The following KIFC2 variants were observed in gnomAD, a reference collection of about 807,000 sequenced individuals.
The protein encoded by KIFC2 is kinesin-like protein KIFC2.
In KIFC2, 94 loss-of-function variants were observed where a neutral mutation model predicts 91.5. The observed-to-expected ratio is 1.03, with a 90% confidence interval of 0.87 to 1.22. The LOEUF is 1.22. KIFC2 is among the 50% of genes most tolerant of loss of function. The pLI is 0.00. For missense variants in KIFC2, 1,357 were observed against 1,103.3 expected, an observed-to-expected ratio of 1.23 and a Z score of -3.26; for synonymous variants, 729 against 503.9, an observed-to-expected ratio of 1.45 and a Z score of -5.98.
At position 144,471,801 on chromosome 8, in the gene KIFC2, C is replaced by T; in HGVS notation, c.1381-141C>T. 9 of 699,788 alleles carry T rather than the reference C, an allele frequency of 1.3e-5. No individual in the cohort carries two copies. The South Asian group carries it at 1.5e-4, about 12-fold the overall frequency. The allele number at this position is 699,788 out of a possible 1,614,324, so 43.3% of individuals were successfully genotyped here. ...AGAGGGTCTCTGTAGGACACACCCT[C>T]CCCCATGGTCCCTTAGAGCCATCCT... On this transcript the variant is annotated intron_variant, in intron 12 of 17. Transcript: ENST00000645548.
intron 4 of KIFC2, 49 bp downstream of exon 4, chr8:144,467,390 C>A (rs781781111): frequency 1.3e-6 from 2 of 1,550,118 alleles, no homozygotes; most frequent in South Asian, 2.5e-5. Flanking sequence ...GGAGCAAATC[C>A]CGGTAGAACC....
rs774509702 is a variant in KIFC2 at position 144,469,360 on chromosome 8, G to T, written c.1203G>T (p.Gly401=). 6.2e-6 allele frequency: 10 copies of T among 1,610,460 alleles called. No homozygotes were observed. The highest frequency in any genetic ancestry group is 7.6e-6 in the Non-Finnish European group (9 of 1,179,032). Residue 401 remains glycine (G), a synonymous_variant, in exon 11 of 18, where the codon GGG becomes GGT. Coordinates refer to ENST00000645548, the MANE Select transcript of KIFC2 (RefSeq NM_001369769.2). ...AAGGGCCCCCAGCCGGATGCCCAGGGCGGCTGCCAGAACTCAAGGGTATGA... is the reference window on the plus strand; with the variant it reads ...AAGGGCCCCCAGCCGGATGCCCAGGTCGGCTGCCAGAACTCAAGGGTATGA... ...GQQGPPAGCP[G]RLPELKGNIR... is the part of the protein sequence containing the mutation.
At chr8:144,468,248 CTT>C (rs1824768733) in intron 7 of KIFC2, 79 bp from the exon 8 acceptor site, 5 of 1,327,114 alleles carry the variant, frequency 3.8e-6, no homozygotes, top group Middle Eastern at 3.6e-4. Flanking sequence ...CTGCCCACCT[CTT>C]GACTTGACTT....
Position 144,468,840 on chromosome 8 carries a change from G to A in KIFC2, c.1113+6G>A. 6.2e-7 allele frequency: 1 copy of A among 1,609,878 alleles called. No individual in the cohort carries two copies. Among genetic ancestry groups the A allele is most frequent in the South Asian group, 1.1e-5 (1 of 90,982 alleles). ...TGAGTGAGGCCCGGGGCCAGGTCAGGACCCCTCCCCGCCTAGCCCCTCCTC... is the reference window on the plus strand; with the variant it reads ...TGAGTGAGGCCCGGGGCCAGGTCAGAACCCCTCCCCGCCTAGCCCCTCCTC... On this transcript the variant is annotated splice_donor_region_variant and intron_variant, in intron 10 of 17. Coordinates refer to ENST00000645548, the MANE Select transcript of KIFC2 (RefSeq NM_001369769.2).
intron 12 of KIFC2, among the ~76,000 whole-genome samples, chr8:144,471,047 T>C (rs1824903777): frequency 6.6e-6 from 1 of 151,792 alleles, no homozygotes; most frequent in African/African-American, 2.4e-5. Flanking sequence ...CACTGCAACC[T>C]CCGCCTCCTG....
In KIFC2 at chr8:144,468,397, C is replaced by T. The variant is rs754398335; in HGVS notation, c.879C>T (p.Leu293=). The T allele has an allele frequency of 1.9e-6, 3 of 1,612,622 alleles. No individual in the cohort carries two copies. Among genetic ancestry groups the T allele is most frequent in the Admixed American group, 3.3e-5 (2 of 59,950 alleles). ...AGGCCCAAGACACCACAGAAGCCCT[C>T]CGAGCCCAGGTGGGCATGGGGCCCA... The part of the protein sequence containing the change: ...LQEAQDTTEA[L]RAQLGVQEVQ... The change falls in exon 8 of 18, where the codon CTC becomes CTT. Residue 293 remains leucine (L), a synonymous_variant. Coordinates refer to ENST00000645548, the MANE Select transcript of KIFC2 (RefSeq NM_001369769.2).
Position 144,472,467 on chromosome 8 carries a change from C to A in KIFC2, c.1714C>A (p.Leu572Met), listed in dbSNP as rs747400205. Reference protein sequence around the residue: ...AGLTHWDVPNLETLHQMLKLG... With the variant: ...AGLTHWDVPNMETLHQMLKLG... Reference sequence around the variant, plus strand: ...CCTCACCCACTGGGACGTGCCCAACCTGGAGACATTGCACCAGGTAGGGCT... The same window carrying A: ...CCTCACCCACTGGGACGTGCCCAACATGGAGACATTGCACCAGGTAGGGCT... Residue 572 changes from leucine to methionine, a missense_variant, in exon 15 of 18, where the codon CTG (leucine) becomes ATG (methionine). Leu to Met is a conservative substitution (Grantham distance 15). Transcript: ENST00000645548. The A allele has an allele frequency of 6.2e-7, 1 of 1,611,944 alleles. No individual in the cohort carries two copies. Among genetic ancestry groups the A allele is most frequent in the East Asian group, 2.2e-5 (1 of 44,882 alleles).
In KIFC2 at chr8:144,467,483, A is replaced by G; in HGVS notation, c.470-2A>G. ...GTGCTAACTGGGCCCACCCTACTCC[A>G]GGATCCACATCCCAAGAAGAAAGCC... On this transcript the variant is annotated splice_acceptor_variant, in intron 4 of 17. Transcript: ENST00000645548. LOFTEE classifies it high-confidence loss of function. 1.3e-6 allele frequency: 2 copies of G among 1,559,790 alleles called. No homozygotes were observed. The highest frequency in any genetic ancestry group is 1.7e-6 in the Non-Finnish European group (2 of 1,156,136).
chr8:144,466,332 G>C, upstream of KIFC2: 1 of 372,678 alleles, frequency 2.7e-6, no homozygotes, highest in Non-Finnish European at 4.1e-6. Context: ...GCGAGCATGC[G>C]CACCGGCACT....
At chr8:144,471,317 G>A (rs1029508606) in intron 12 of KIFC2, among the ~76,000 whole-genome samples, 26 of 132,744 alleles carry the variant, frequency 2.0e-4, no homozygotes, top group East Asian at 6.9e-4. Flanking sequence ...ATATGTATAT[G>A]TATTTTTTTT....
chr8:144,469,442 G>C lies in KIFC2; in HGVS notation c.1223-48G>C, dbSNP rs190074016. 9.3e-5 allele frequency: 150 copies of C among 1,613,366 alleles called. No individual in the cohort carries two copies. In the East Asian group the frequency reaches 2.0e-3, roughly 21 times the overall value. Reference sequence around the variant, plus strand: ...CGGCTGGAAGAAGTGCAGCTTCTCTGTGCTTTAGGGTCTGCGAGGCATTAT... The same window carrying C: ...CGGCTGGAAGAAGTGCAGCTTCTCTCTGCTTTAGGGTCTGCGAGGCATTAT... On this transcript the variant is annotated intron_variant, in intron 11 of 17. Transcript: ENST00000645548.
chr8:144,472,953 C>T lies in KIFC2; in HGVS notation c.2020C>T (p.Arg674Trp). 1 of 1,468,398 alleles carries T rather than the reference C, an allele frequency of 6.8e-7. No homozygotes were observed. The highest frequency in any genetic ancestry group is 2.8e-5 in the East Asian group (1 of 35,440). 91.0% of individuals were successfully genotyped at this position (1,468,398 alleles called of 1,614,324 possible). A position where few individuals can be genotyped will look rare whatever the true frequency, so the allele number is the denominator to read the frequency against. ...LALGGVMAAL[R>W]AHRPHVPFRD... ...GCTAGGAGGCGTGATGGCCGCACTG[C>T]GGGCCCACCGGCCGCACGTGCCCTT... Residue 674 changes from arginine (R) to tryptophan (W), a missense_variant, in exon 17 of 18, where the codon CGG becomes TGG. Arg to Trp is a moderately radical substitution (Grantham distance 101). Coordinates refer to ENST00000645548, the MANE Select transcript of KIFC2 (RefSeq NM_001369769.2).
chr8:144,467,445 A>G (rs761657282), intron 4 of KIFC2, 40 bp from the exon 5 acceptor site: 27 of 1,541,610 alleles, frequency 1.8e-5, no homozygotes, highest in East Asian at 6.8e-5. Flanking sequence ...GATTTGGACT[A>G]GAGACCTCTT....
At position 144,466,532 on chromosome 8, in the gene KIFC2, G is replaced by C. The variant is rs112422823; in HGVS notation, c.99+14G>C. ...GACCCCGCCCAGGTGAGCGGGGCTG[G>C]CCGTGCAGCCCGTCGTCTCCCGCCG... is the stretch of plus-strand genomic sequence containing the variant. On this transcript the variant is annotated intron_variant, in intron 1 of 17. Coordinates refer to ENST00000645548, the MANE Select transcript of KIFC2 (RefSeq NM_001369769.2). 605,542 of 1,215,826 alleles carry C rather than the reference G, an allele frequency of 0.5. 152,660 individuals carry two copies. The highest frequency in any genetic ancestry group is 0.61 in the Middle Eastern group (2,478 of 4,094). 75.3% of individuals were successfully genotyped at this position (1,215,826 alleles called of 1,614,324 possible).
At position 144,467,917 on chromosome 8, in the gene KIFC2, A is replaced by G; in HGVS notation, c.740A>G (p.Lys247Arg). Residue 247 changes from lysine (K) to arginine (R), a missense_variant, in exon 7 of 18, where the codon AAG becomes AGG. By Grantham distance (26) the Lys-to-Arg change is conservative (BLOSUM62 2). Transcript: ENST00000645548. ...CTGACTCTGGAGAACGAGGCCCTGAAGCAGAGCCTGAGTCTCATGCGGGAC... is the reference window on the plus strand; with the variant it reads ...CTGACTCTGGAGAACGAGGCCCTGAGGCAGAGCCTGAGTCTCATGCGGGAC... ...QHLTLENEAL[K>R]QSLSLMRDLL... 1 of 1,612,474 alleles carries G rather than the reference A, an allele frequency of 6.2e-7. No homozygotes were observed. The highest frequency in any genetic ancestry group is 8.5e-7 in the Non-Finnish European group (1 of 1,179,434).
chr8:144,470,264 G>A (rs1436594769), intron 12 of KIFC2, among the ~76,000 whole-genome samples: 1 of 152,212 alleles, frequency 6.6e-6, no homozygotes, highest in African/African-American at 2.4e-5. Context: ...GGGTCACCCT[G>A]ATTGCCTCTT....
At position 144,468,380 on chromosome 8, in the gene KIFC2, G is replaced by A. The variant is rs1338737271; in HGVS notation, c.862G>A (p.Asp288Asn). The change falls in exon 8 of 18, where the codon GAC (aspartate) becomes AAC (asparagine). Residue 288 changes from aspartate (D) to asparagine (N), a missense_variant. Transcript: ENST00000645548. ...CCAGGGCCGGCTTCAGGAGGCCCAA[G>A]ACACCACAGAAGCCCTCCGAGCCCA... ...ELQGRLQEAQ[D>N]TTEALRAQLG... 1.9e-6 allele frequency: 3 copies of A among 1,612,926 alleles called. No homozygotes were observed. Among genetic ancestry groups the A allele is most frequent in the African/African-American group, 2.7e-5 (2 of 74,926 alleles).
chr8:144,467,798 C>G lies in KIFC2; in HGVS notation c.681+19C>G. Reference sequence around the variant, plus strand: ...GGGCGTGGTGAGGCTGCAGGGAGACCTGGCAGGGCCGGGCATGGAGGGGGT... The same window carrying G: ...GGGCGTGGTGAGGCTGCAGGGAGACGTGGCAGGGCCGGGCATGGAGGGGGT... On this transcript the variant is annotated intron_variant, in intron 6 of 17. Coordinates refer to ENST00000645548, the MANE Select transcript of KIFC2 (RefSeq NM_001369769.2). 6.2e-7 allele frequency: 1 copy of G among 1,613,560 alleles called. No homozygotes were observed. Among genetic ancestry groups the G allele is most frequent in the African/African-American group, 1.3e-5 (1 of 75,060 alleles).
intron 12 of KIFC2, chr8:144,470,600 C>T (rs552406478): frequency 6.6e-6 from 1 of 152,288 alleles, no homozygotes; most frequent in Non-Finnish European, 1.5e-5. Flanking sequence ...ACAGCCCACC[C>T]TGTTAGCAGC....
Sources: allele counts gnomAD v4.1 joint callset (sites outside exome capture counted in the v4.1 genomes callset), GRCh38; gene constraint gnomAD v4.1.1; transcripts MANE v1.5; gene names NCBI Gene and HGNC (gene_info 2026-07-23, HGNC 2026-07-21).